The following REXO4 variants were observed in gnomAD, a reference collection of about 807,000 sequenced individuals.
REXO4 encodes the protein RNA exonuclease 4.
REXO4 carries 29 observed loss-of-function variants against 39.9 expected under a neutral mutation model. The observed-to-expected ratio is 0.73, with a 90% confidence interval of 0.54 to 0.99. REXO4 has a LOEUF of 0.99. Among genes scored for constraint, REXO4 ranks in the 50% least tolerant of loss-of-function variants. REXO4 has a pLI of 0.00. For synonymous variants in REXO4, 184 were observed against 206.2 expected (o/e 0.89, Z 0.92); for missense variants, 524 against 546.5 (o/e 0.96, Z 0.41).
At chr9:133,410,956 G>C (rs1424154229) in intron 5 of REXO4, 29 bp downstream of exon 5, 1 of 1,568,306 alleles carries the variant, frequency 6.4e-7, no homozygotes, top group Non-Finnish European at 8.8e-7. Flanking sequence ...AGCAGGGGCA[G>C]GCTGAGTCCC....
intron 4 of REXO4, 40 bp from the exon 5 acceptor site, chr9:133,411,113 C>T (rs1839190052): frequency 6.6e-7 from 1 of 1,517,554 alleles, no homozygotes; most frequent in South Asian, 1.1e-5. Context: ...TTGCAACACA[C>T]ACATCACCAT....
chr9:133,408,814 TTC>T lies in REXO4; in HGVS notation c.1026_1027del (p.Lys343AspfsTer8), dbSNP rs1432533841. The T allele has an allele frequency of 6.3e-7, 1 of 1,596,872 alleles. No homozygotes were observed. Among genetic ancestry groups the T allele is most frequent in the East Asian group, 2.2e-5 (1 of 44,768 alleles). ...TTTATATTTCTGTGTGTCCCGAATC[TTC>T]TTTTTTGGATGATCAAGAAATAGTA... On this transcript the variant is annotated frameshift_variant, in exon 6 of 8. Coordinates refer to ENST00000371942, the MANE Select transcript of REXO4 (RefSeq NM_020385.4). LOFTEE classifies it high-confidence loss of function.
Position 133,412,886 on chromosome 9 carries a change from T to A in REXO4, c.608A>T (p.Asp203Val), listed in dbSNP as rs782249670. 2 of 1,613,980 alleles carry A rather than the reference T, an allele frequency of 1.2e-6. No homozygotes were observed. The highest frequency in any genetic ancestry group is 1.3e-5 in the African/African-American group (1 of 74,910). ...CTCTGGACCTATGGCAGCTTCGATA[T>A]CCGCTGGGTCCACGTCGTCAAACCA... is the stretch of plus-strand genomic sequence containing the variant. ...DIWFDDVDPA[D>V]IEAAIGPEAA... The change falls in exon 3 of 8, where the codon GAT (aspartate) becomes GTT (valine). Residue 203 changes from aspartate (D) to valine (V), a missense_variant. Physicochemically the swap from Asp to Val is radical, Grantham distance 152. Coordinates refer to ENST00000371942, the MANE Select transcript of REXO4 (RefSeq NM_020385.4).
chr9:133,412,443 T>G lies in REXO4; in HGVS notation c.766A>C (p.Lys256Gln), dbSNP rs1017292757. ...CGGGCGGCCATGCTCTCCTCCCCCT[T>G]AGGGCCCACGCCCACCATCTCACAG... is the stretch of plus-strand genomic sequence containing the variant. ...LDCEMVGVGP[K>Q]GEESMAARVS... is the part of the protein sequence containing the mutation. The change falls in exon 4 of 8, where the codon AAG becomes CAG. Residue 256 changes from lysine to glutamine, a missense_variant. Coordinates refer to ENST00000371942, the MANE Select transcript of REXO4 (RefSeq NM_020385.4). 1.2e-6 allele frequency: 2 copies of G among 1,614,042 alleles called. No individual in the cohort carries two copies. Among genetic ancestry groups the G allele is most frequent in the Non-Finnish European group, 1.7e-6 (2 of 1,180,008 alleles).
rs144053325 is a variant in REXO4, at chr9:133,408,397, T to C, written c.1074+371A>G. Among the ~76,000 whole-genome samples the C allele has an allele frequency of 5.7e-3, 860 of 151,908 alleles. 22 individuals carry two copies. The East Asian group carries it at 0.086, about 15-fold the overall frequency. On this transcript the variant is annotated intron_variant, in intron 6 of 7. Coordinates refer to ENST00000371942, the MANE Select transcript of REXO4 (RefSeq NM_020385.4). Reference sequence around the variant, plus strand: ...TTGCCTGAGCCTGGGAGGTGGCAGTTACAGTGAGCCAAGATTATGCCATTG... The same window carrying C: ...TTGCCTGAGCCTGGGAGGTGGCAGTCACAGTGAGCCAAGATTATGCCATTG...
In REXO4 at chr9:133,412,839, G is replaced by C; in HGVS notation, c.655C>G (p.Gln219Glu). 1 of 1,614,094 alleles carries C rather than the reference G, an allele frequency of 6.2e-7. No individual in the cohort carries two copies. Among genetic ancestry groups the C allele is most frequent in the Non-Finnish European group, 8.5e-7 (1 of 1,180,040 alleles). ...ACGCTGCCCTCGCTCTGACCCAACT[G>C]TTTCCTCGCTATCTTGGCCGCCTCT... is the stretch of plus-strand genomic sequence containing the variant. ...GPEAAKIARKQLGQSEGSVSL... is the reference protein window; with the variant it reads ...GPEAAKIARKELGQSEGSVSL... Residue 219 changes from glutamine to glutamate, a missense_variant, in exon 3 of 8, where the codon CAG (glutamine) becomes GAG (glutamate). Gln to Glu is a conservative substitution (Grantham distance 29). Transcript: ENST00000371942.
At position 133,412,791 on chromosome 9, in the gene REXO4, G is replaced by C. The variant is rs1689854958; in HGVS notation, c.703C>G (p.Gln235Glu). 7 of 1,612,722 alleles carry C rather than the reference G, an allele frequency of 4.3e-6. No individual in the cohort carries two copies. Among genetic ancestry groups the C allele is most frequent in the Non-Finnish European group, 5.1e-6 (6 of 1,180,002 alleles). Residue 235 changes from glutamine (Q) to glutamate (E), a missense_variant, in exon 3 of 8, where the codon CAG (glutamine) becomes GAG (glutamate). Physicochemically the swap from Gln to Glu is conservative, Grantham distance 29. Transcript: ENST00000371942. ...AGACCAGCGTACCCGCCGAAGGCCTGCTCTTTCACGAGGCTGAGGCTGACG... is the reference window on the plus strand; with the variant it reads ...AGACCAGCGTACCCGCCGAAGGCCTCCTCTTTCACGAGGCTGAGGCTGACG... ...GSVSLSLVKE[Q>E]AFGGLTRALA...
At chr9:133,408,133 A>G (rs1839012761) in intron 6 of REXO4, among the ~76,000 whole-genome samples, 1 of 152,114 alleles carries the variant, frequency 6.6e-6, no homozygotes, top group South Asian at 2.1e-4. Flanking sequence ...CCCATCTCCC[A>G]TCTTGAGGCC....
In REXO4 at chr9:133,412,844, C is replaced by T. The variant is rs1839301795; in HGVS notation, c.650G>A (p.Arg217Lys). The stretch of plus-strand genomic sequence containing the variant: ...GCCCTCGCTCTGACCCAACTGTTTC[C>T]TCGCTATCTTGGCCGCCTCTGGACC... ...AIGPEAAKIA[R>K]KQLGQSEGSV... is the part of the protein sequence containing the mutation. Residue 217 changes from arginine (R) to lysine (K), a missense_variant, in exon 3 of 8, where the codon AGG becomes AAG. Coordinates refer to ENST00000371942, the MANE Select transcript of REXO4 (RefSeq NM_020385.4). The T allele has an allele frequency of 2.5e-6, 4 of 1,614,024 alleles. No homozygotes were observed. The highest frequency in any genetic ancestry group is 3.4e-6 in the Non-Finnish European group (4 of 1,180,052).
In REXO4 at chr9:133,412,850, A is replaced by T; in HGVS notation, c.644T>A (p.Ile215Lys). The T allele has an allele frequency of 6.2e-7, 1 of 1,614,070 alleles. No homozygotes were observed. The highest frequency in any genetic ancestry group is 8.5e-7 in the Non-Finnish European group (1 of 1,180,006). Residue 215 changes from isoleucine (I) to lysine (K), a missense_variant, in exon 3 of 8, where the codon ATA becomes AAA. Physicochemically the swap from Ile to Lys is moderately radical, Grantham distance 102 (BLOSUM62 -3). Coordinates refer to ENST00000371942, the MANE Select transcript of REXO4 (RefSeq NM_020385.4). The part of the protein sequence containing the change: ...EAAIGPEAAK[I>K]ARKQLGQSEG... The stretch of plus-strand genomic sequence containing the variant: ...GCTCTGACCCAACTGTTTCCTCGCT[A>T]TCTTGGCCGCCTCTGGACCTATGGC...
At chr9:133,417,570 C>G (rs1554781902) in intron 1 of REXO4, 50 bp downstream of exon 1, 1 of 1,585,250 alleles carries the variant, frequency 6.3e-7, no homozygotes, top group Non-Finnish European at 8.6e-7. Flanking sequence ...CCGTCGCGTT[C>G]TGCGGGAATG....
chr9:133,407,111 A>G (rs781944205), intron 7 of REXO4, 39 bp from the exon 8 acceptor site: 3 of 1,609,080 alleles, frequency 1.9e-6, no homozygotes, highest in East Asian at 4.5e-5. Flanking sequence ...GACGAGGCAT[A>G]GCCGCAGCCC....
At chr9:133,411,642 G>C (rs1014261949) in intron 4 of REXO4, among the ~76,000 whole-genome samples, 1 of 152,112 alleles carries the variant, frequency 6.6e-6, no homozygotes, top group Non-Finnish European at 1.5e-5. Context: ...ATATTTTTTA[G>C]AAGGCCAGGT....
rs782575079 is a variant in REXO4, at chr9:133,407,841, A to G, written c.1115T>C (p.Leu372Pro). 8.1e-6 allele frequency: 13 copies of G among 1,614,008 alleles called. No individual in the cohort carries two copies. Among genetic ancestry groups the G allele is most frequent in the Non-Finnish European group, 1.7e-6 (2 of 1,179,988 alleles). ...PSLRLLSEKI[L>P]GLQVQQAEHC... is the part of the protein sequence containing the mutation. Reference sequence around the variant, plus strand: ...CTCCGCCTGCTGGACCTGGAGCCCAAGGATCTTCTCTGAAAGTAGTCTCAG... The same window carrying G: ...CTCCGCCTGCTGGACCTGGAGCCCAGGGATCTTCTCTGAAAGTAGTCTCAG... Residue 372 changes from leucine (L) to proline (P), a missense_variant, in exon 7 of 8, where the codon CTT becomes CCT. Physicochemically the swap from Leu to Pro is moderately conservative, Grantham distance 98. Transcript: ENST00000371942.
intron 5 of REXO4, among the ~76,000 whole-genome samples, chr9:133,409,558 A>G (rs1325611655): frequency 1.3e-5 from 2 of 152,038 alleles, no homozygotes; most frequent in Admixed American, 6.6e-5. Flanking sequence ...TTAGCATGCA[A>G]TTTTTTGTTT....
intron 7 of REXO4, among the ~76,000 whole-genome samples, 173 bp from the exon 8 acceptor site, chr9:133,407,245 G>A (rs1491004183): frequency 1.3e-5 from 2 of 152,174 alleles, no homozygotes; most frequent in South Asian, 2.1e-4. Context: ...GAGAAGCAGA[G>A]GGAGCAACGA....
chr9:133,409,141 T>C (rs1839085375), intron 5 of REXO4, among the ~76,000 whole-genome samples: 1 of 152,066 alleles, frequency 6.6e-6, no homozygotes, highest in South Asian at 2.1e-4. Context: ...AATTTTTGTA[T>C]TTTTTAGTAG....
rs1220338499 is a variant in REXO4 at position 133,410,672 on chromosome 9, G to A, written c.999+313C>T. ...TTTCCTGTGGAGGGACCCTGGTCAC[G>A]GATGGGACAACTGGACATTAGGCCT... On this transcript the variant is annotated intron_variant, in intron 5 of 7. Coordinates refer to ENST00000371942, the MANE Select transcript of REXO4 (RefSeq NM_020385.4). 3.3e-5 allele frequency among the ~76,000 whole-genome samples: 5 copies of A among 152,218 alleles called. No homozygotes were observed. The South Asian group carries it at 6.2e-4, about 19-fold the overall frequency.
intron 1 of REXO4, 93 bp from the exon 2 acceptor site, chr9:133,415,104 T>C: frequency 2.1e-6 from 2 of 948,410 alleles, no homozygotes; most frequent in East Asian, 2.4e-5. Flanking sequence ...TATACACACA[T>C]ATACACCAAA....
Sources: allele counts gnomAD v4.1 joint callset (sites outside exome capture counted in the v4.1 genomes callset), GRCh38; gene constraint gnomAD v4.1.1; transcripts MANE v1.5; gene names NCBI Gene and HGNC (gene_info 2026-07-23, HGNC 2026-07-21).